The following PLEKHG1 variants were observed in gnomAD, a reference collection of about 807,000 sequenced individuals.
PLEKHG1 encodes pleckstrin homology and RhoGEF domain containing G1.
PLEKHG1 carries 44 observed loss-of-function variants against 100.8 expected under a neutral mutation model. The observed-to-expected ratio is 0.44, with a 90% CI of 0.34 to 0.56. PLEKHG1 has a LOEUF of 0.56. PLEKHG1 is among the 20% of genes least tolerant of loss of function. The pLI, the probability that PLEKHG1 is intolerant of heterozygous loss-of-function variation, is 0.01. For missense variants in PLEKHG1, 1,545 were observed against 1,720.9 expected (o/e 0.90, Z 1.81); for synonymous variants, 640 against 662.5 (o/e 0.97, Z 0.52).
intron 3 of PLEKHG1, among the ~76,000 whole-genome samples, chr6:150,654,070 GTCCAGGGT>G (rs1778863327): frequency 6.6e-6 from 1 of 152,124 alleles, no homozygotes; most frequent in Non-Finnish European, 1.5e-5. Flanking sequence ...GTGCCTTCTT[GTCCAGGGT>G]TTCACCTACC....
chr6:150,763,049 C>T lies in PLEKHG1; in HGVS notation c.412-5589C>T, dbSNP rs563189747. ...CTTTTTTTTTTTTTTTTTTTTGAGA[C>T]GGAGTTTTGTTCTTGTTGCCCAGGC... On this transcript the variant is annotated intron_variant, in intron 2 of 15. Transcript: ENST00000358517. Among the ~76,000 whole-genome samples, 167 of 32,994 alleles carry T rather than the reference C, an allele frequency of 5.1e-3. 2 individuals are homozygous for T. The Middle Eastern group carries it at 0.057, about 11-fold the overall frequency. The allele number at this position is 32,994 out of a possible 152,430, so 21.6% of individuals were successfully genotyped here.
At position 150,786,252 on chromosome 6, in the gene PLEKHG1, A is replaced by G. The variant is rs1246262796; in HGVS notation, c.513-138A>G. On this transcript the variant is annotated intron_variant, in intron 3 of 15. Coordinates refer to ENST00000358517, the Ensembl canonical transcript of PLEKHG1. ...GTCCCTTACCTAAGCCTTGGATACA[A>G]TGACAGCAGATCCTCAGTTATCCAA... 5 of 646,846 alleles carry G rather than the reference A, an allele frequency of 7.7e-6. No individual in the cohort carries two copies. The East Asian group carries it at 1.1e-4, about 15-fold the overall frequency. 40.1% of individuals were successfully genotyped at this position (646,846 alleles called of 1,614,324 possible). A position where few individuals can be genotyped will look rare whatever the true frequency, so the allele number is the denominator to read the frequency against.
intron 3 of PLEKHG1, among the ~76,000 whole-genome samples, chr6:150,698,383 A>G (rs973988603): frequency 1.3e-5 from 2 of 152,174 alleles, no homozygotes; most frequent in African/African-American, 4.8e-5. Context: ...GGTTATATCA[A>G]TTTTGAAAGA....
chr6:150,761,142 A>C (rs969600872), intron 2 of PLEKHG1, among the ~76,000 whole-genome samples: 1 of 111,950 alleles, frequency 8.9e-6, no homozygotes, highest in Non-Finnish European at 1.7e-5. Flanking sequence ...GTCTCACTCT[A>C]TTGCCCAGGC....
At chr6:150,619,018 G>A (rs1469190505) in intron 1 of PLEKHG1, among the ~76,000 whole-genome samples, 1 of 152,146 alleles carries the variant, frequency 6.6e-6, no homozygotes, top group Admixed American at 6.5e-5. Context: ...GGGAAGTCAA[G>A]GCTGTGGTTA....
rs531757698 is a variant in PLEKHG1, at chr6:150,761,318, A to T, written c.412-7320A>T. ...ACGAGGTTTCACCGTGTCAGCCAGG[A>T]TGGTCTCGATTACTTGACCTTGTGA... On this transcript the variant is annotated intron_variant, in intron 2 of 15. Coordinates refer to ENST00000358517, the Ensembl canonical transcript of PLEKHG1. Among the ~76,000 whole-genome samples the T allele has an allele frequency of 1.4e-3, 205 of 148,568 alleles. No individual in the cohort carries two copies. The Middle Eastern group carries it at 0.025, about 18-fold the overall frequency.
chr6:150,783,169 T>TAAAAAAA (rs71014520), intron 3 of PLEKHG1, among the ~76,000 whole-genome samples: 1 of 79,460 alleles, frequency 1.3e-5, no homozygotes, highest in Non-Finnish European at 2.8e-5. Flanking sequence ...GAAAAAAAAC[T>TAAAAAAA]AAAAAAAAAA....
intron 14 of PLEKHG1, among the ~76,000 whole-genome samples, chr6:150,824,094 G>A (rs1776454409): frequency 6.6e-6 from 1 of 152,152 alleles, no homozygotes; most frequent in African/African-American, 2.4e-5. Context: ...CAAGGGCGAG[G>A]GGCCCCCTTC....
intron 1 of PLEKHG1, among the ~76,000 whole-genome samples, chr6:150,618,630 A>G (rs377518930): frequency 1.3e-5 from 2 of 152,216 alleles, no homozygotes; most frequent in South Asian, 4.1e-4. Flanking sequence ...TTAAGAAGTG[A>G]TGAGTTTTGG....
intron 1 of PLEKHG1, among the ~76,000 whole-genome samples, chr6:150,722,514 C>T (rs1053078436): frequency 2.0e-5 from 3 of 151,858 alleles, no homozygotes; most frequent in South Asian, 2.1e-4. Flanking sequence ...CCACCATGCC[C>T]GGCTAATTTT....
rs1440366879 is a variant in PLEKHG1, at chr6:150,819,171, A to G, written c.1313-508A>G. On this transcript the variant is annotated intron_variant, in intron 11 of 15. Coordinates refer to ENST00000358517, the Ensembl canonical transcript of PLEKHG1. The stretch of plus-strand genomic sequence containing the variant: ...GTGGCTCACGCCTGTCATCCCAGCT[A>G]ATAGACTCCTAGAAGTCCCAATGTA... 4.7e-5 allele frequency among the ~76,000 whole-genome samples: 7 copies of G among 148,926 alleles called. No homozygotes were observed. In the East Asian group the frequency reaches 1.2e-3, roughly 25 times the overall value.
At chr6:150,630,622 A>G (rs1254515540) in intron 1 of PLEKHG1, among the ~76,000 whole-genome samples, 1 of 152,238 alleles carries the variant, frequency 6.6e-6, no homozygotes, top group African/African-American at 2.4e-5. Flanking sequence ...TAGGTCTGAA[A>G]GATGCATCTC....
At chr6:150,731,383 T>G (rs1188479547) in intron 1 of PLEKHG1, among the ~76,000 whole-genome samples, 1 of 152,238 alleles carries the variant, frequency 6.6e-6, no homozygotes, top group East Asian at 1.9e-4. Context: ...GTCTTACCAC[T>G]CCTTCTTGAC....
chr6:150,792,441 A>G (rs1786045229), intron 4 of PLEKHG1, among the ~76,000 whole-genome samples: 1 of 151,906 alleles, frequency 6.6e-6, no homozygotes, highest in Non-Finnish European at 1.5e-5. Context: ...TGGGAGGCCA[A>G]GGCAGGCGAT....
At chr6:150,840,733 A>T (rs1224580246) in exon 16 of PLEKHG1, 1 of 1,614,224 alleles carries the variant, frequency 6.2e-7, no homozygotes, top group South Asian at 1.1e-5. Flanking sequence ...ACTCCAAAAA[A>T]GCCGGTTAAC....
intron 2 of PLEKHG1, among the ~76,000 whole-genome samples, chr6:150,759,623 C>T (rs1346304722): frequency 6.6e-6 from 1 of 152,002 alleles, no homozygotes; most frequent in African/African-American, 2.4e-5. Flanking sequence ...ATGAGTGGGA[C>T]CCGTCTCCTA....
intron 3 of PLEKHG1, among the ~76,000 whole-genome samples, chr6:150,669,047 TTTTC>T (rs1562423982): frequency 5.3e-5 from 8 of 152,214 alleles, no homozygotes; most frequent in Admixed American, 2.0e-4. Flanking sequence ...TTTTGCAGGC[TTTTC>T]TTTGTTTCTC....
At chr6:150,820,587 G>C (rs1464947018) in intron 12 of PLEKHG1, among the ~76,000 whole-genome samples, 1 of 151,968 alleles carries the variant, frequency 6.6e-6, no homozygotes, top group Non-Finnish European at 1.5e-5. Context: ...AAATAAGGCC[G>C]GGCGCGGTGG....
rs562160855 is a variant in PLEKHG1, at chr6:150,754,002, A to G, written c.412-14636A>G. Among the ~76,000 whole-genome samples the G allele has an allele frequency of 8.5e-5, 13 of 152,392 alleles. No homozygotes were observed. The East Asian group carries it at 2.5e-3, about 29-fold the overall frequency. The stretch of plus-strand genomic sequence containing the variant: ...TTAGGTGCTGGGAACACTAAAGCAC[A>G]GTGCCTACTAACTGTTGATACCAGT... On this transcript the variant is annotated intron_variant, in intron 2 of 15. Coordinates refer to ENST00000358517, the Ensembl canonical transcript of PLEKHG1.
Sources: gnomAD v4.1 joint callset for allele counts (sites outside exome capture counted in the v4.1 genomes callset) on GRCh38, gnomAD v4.1.1 for gene constraint, MANE v1.5 for transcripts, NCBI Gene and HGNC (gene_info 2026-07-23, HGNC 2026-07-21) for gene names.